NFIA: variants seen among roughly 807,000 people sequenced by gnomAD.
NFIA encodes the protein nuclear factor 1 A-type.
Under a neutral mutation model 62.8 loss-of-function variants are expected in NFIA, and 8 were observed. The observed-to-expected ratio is 0.13, with a 90% confidence interval of 0.07 to 0.23. NFIA has a LOEUF of 0.23. Among genes scored for constraint, NFIA ranks in the 10% least tolerant of loss-of-function variants. The probability of loss-of-function intolerance (pLI) is 1.00; values close to 1 mark genes in which losing one functional copy is unlikely to be tolerated. For synonymous variants in NFIA, 235 were observed against 238.1 expected (o/e 0.99, Z 0.12); for missense variants, 410 against 642.1 (o/e 0.64, Z 3.91).
chr1:61,458,413 T>C lies in NFIA; in HGVS notation c.*3093T>C, dbSNP rs1391973142. 6.6e-6 allele frequency: 1 copy of C among 152,158 alleles called. No homozygotes were observed. The highest frequency in any genetic ancestry group is 1.5e-5 in the Non-Finnish European group (1 of 68,020). 9.4% of individuals were successfully genotyped at this position (152,158 alleles called of 1,614,324 possible). On this transcript the variant is annotated 3_prime_UTR_variant, in exon 11 of 11. Transcript: ENST00000403491. Reference sequence around the variant, plus strand: ...TTTTAGTTGTTTTTAGTGAGCATGTTGTAGTCATGACTGCAAAGAGAGAGA... The same window carrying C: ...TTTTAGTTGTTTTTAGTGAGCATGTCGTAGTCATGACTGCAAAGAGAGAGA...
intron 2 of NFIA, among the ~76,000 whole-genome samples, chr1:61,273,686 C>T (rs1458675513): frequency 6.6e-6 from 1 of 152,170 alleles, no homozygotes; most frequent in South Asian, 2.1e-4. Flanking sequence ...TAGGAAGGAA[C>T]TCCTTTCTTT....
intron 6 of NFIA, among the ~76,000 whole-genome samples, chr1:61,375,544 C>G (rs904957651): frequency 6.6e-6 from 1 of 152,130 alleles, no homozygotes; most frequent in African/African-American, 2.4e-5. Flanking sequence ...TCCCCCGCGC[C>G]CTCACCCAGA....
chr1:61,219,090 G>C (rs1358808722), intron 2 of NFIA, among the ~76,000 whole-genome samples: 1 of 151,958 alleles, frequency 6.6e-6, no homozygotes, highest in Non-Finnish European at 1.5e-5. Flanking sequence ...AAAGTAGCTG[G>C]GTGTAGTGGC....
chr1:61,283,439 G>A (rs1052530689), intron 3 of NFIA, among the ~76,000 whole-genome samples: 6 of 151,124 alleles, frequency 4.0e-5, no homozygotes, highest in Non-Finnish European at 7.4e-5. Context: ...AAAATTAACC[G>A]GGCGTGATGG....
intron 2 of NFIA, among the ~76,000 whole-genome samples, chr1:61,184,588 C>T (rs571126627): frequency 6.6e-6 from 1 of 152,362 alleles, no homozygotes; most frequent in South Asian, 2.1e-4. Flanking sequence ...GAGAAGAGAG[C>T]TTCTCTGCTG....
intron 4 of NFIA, among the ~76,000 whole-genome samples, chr1:61,339,342 G>A (rs1008641287): frequency 2.6e-5 from 4 of 152,148 alleles, no homozygotes; most frequent in Non-Finnish European, 5.9e-5. Flanking sequence ...ATTTCCAAAT[G>A]TAGTTTTTAA....
At chr1:61,164,830 T>C (rs1451440053) in intron 2 of NFIA, among the ~76,000 whole-genome samples, 2 of 152,152 alleles carry the variant, frequency 1.3e-5, no homozygotes, top group Non-Finnish European at 2.9e-5. Flanking sequence ...TTGCACTTAC[T>C]AGTGAACAGT....
At chr1:61,383,090 A>C (rs1017206491) in intron 6 of NFIA, 147 bp from the exon 7 acceptor site, 1 of 984,798 alleles carries the variant, frequency 1.0e-6, no homozygotes, top group African/African-American at 1.6e-5. Context: ...TTCTGTGACA[A>C]ATGCAAAGCA....
chr1:61,168,604 T>C (rs780363138), intron 2 of NFIA, among the ~76,000 whole-genome samples: 6 of 152,240 alleles, frequency 3.9e-5, no homozygotes, highest in Non-Finnish European at 7.3e-5. Context: ...CATATTCTTA[T>C]GACCTTGATT....
At chr1:61,195,830 T>A (rs779780417) in intron 2 of NFIA, among the ~76,000 whole-genome samples, 7 of 152,170 alleles carry the variant, frequency 4.6e-5, no homozygotes, top group Admixed American at 2.6e-4. Context: ...AATTTCACTT[T>A]TTATTAACTT....
chr1:61,113,059 C>T (rs931785148), intron 2 of NFIA, among the ~76,000 whole-genome samples: 9 of 152,010 alleles, frequency 5.9e-5, no homozygotes, highest in Admixed American at 3.9e-4. Context: ...AATGGTACGT[C>T]TTTTGAAAAC....
At chr1:61,188,494 A>T (rs1651369130) in intron 2 of NFIA, among the ~76,000 whole-genome samples, 1 of 152,046 alleles carries the variant, frequency 6.6e-6, no homozygotes, top group South Asian at 2.1e-4. Flanking sequence ...TTGTGCATTT[A>T]CTCTTGGATC....
At chr1:61,430,778 G>A (rs150718933) in intron 10 of NFIA, among the ~76,000 whole-genome samples, 162 of 151,998 alleles carry the variant, frequency 1.1e-3, no homozygotes, top group African/African-American at 3.7e-3. Context: ...CCTGGCTTTC[G>A]GCTTTGTTCG....
chr1:61,346,251 T>A (rs1662220275), intron 4 of NFIA, among the ~76,000 whole-genome samples: 1 of 152,220 alleles, frequency 6.6e-6, no homozygotes, highest in African/African-American at 2.4e-5. Context: ...CTTGGTCCAG[T>A]CCTACCTAAC....
chr1:61,178,075 G>A (rs907280642), intron 2 of NFIA, among the ~76,000 whole-genome samples: 2 of 152,038 alleles, frequency 1.3e-5, no homozygotes, highest in Non-Finnish European at 2.9e-5. Context: ...CCCCTAGATC[G>A]CCAGAGATCA....
At chr1:61,212,154 A>T (rs1466939066) in intron 2 of NFIA, among the ~76,000 whole-genome samples, 1 of 152,174 alleles carries the variant, frequency 6.6e-6, no homozygotes, top group Non-Finnish European at 1.5e-5. Flanking sequence ...TAAAAGAGGG[A>T]TAAGCAAGCA....
At chr1:61,371,530 G>A (rs1329453517) in intron 6 of NFIA, among the ~76,000 whole-genome samples, 2 of 152,184 alleles carry the variant, frequency 1.3e-5, no homozygotes, top group African/African-American at 2.4e-5. Flanking sequence ...TGCCCTGGCA[G>A]TACATTCGAA....
At chr1:61,357,756 G>A (rs114246223) in intron 5 of NFIA, among the ~76,000 whole-genome samples, 1,938 of 152,172 alleles carry the variant, frequency 0.013, 17 homozygotes, top group Middle Eastern at 0.02. Context: ...TGTAGGATGC[G>A]CACAGTAGGT....
At chr1:61,427,537 C>T (rs953759738) in intron 10 of NFIA, among the ~76,000 whole-genome samples, 28 of 152,208 alleles carry the variant, frequency 1.8e-4, no homozygotes, top group Non-Finnish European at 8.8e-5. Flanking sequence ...CTATTTGCCT[C>T]TGTTTGTAAA....
Sources: allele counts gnomAD v4.1 joint callset (sites outside exome capture counted in the v4.1 genomes callset), GRCh38; gene constraint gnomAD v4.1.1; transcripts MANE v1.5; gene names NCBI Gene and HGNC (gene_info 2026-07-23, HGNC 2026-07-21).